KCNU1: variants seen among roughly 807,000 people sequenced by gnomAD.
KCNU1 encodes the protein potassium calcium-activated channel subfamily U member 1, also known as potassium channel subfamily U member 1.
A neutral mutation model predicts 126.8 loss-of-function variants in KCNU1; 93 were observed. That is an observed-to-expected ratio of 0.73 (90% CI 0.62 to 0.87). KCNU1 has a LOEUF of 0.87. Among genes scored for constraint, KCNU1 ranks in the 40% least tolerant of loss-of-function variants. The pLI is 0.00. For synonymous variants in KCNU1, 523 were observed against 494.2 expected (o/e 1.06, Z -0.77); for missense variants, 1,330 against 1,367.1 (o/e 0.97, Z 0.43).
In KCNU1 at chr8:36,909,507, G is replaced by A. The variant is rs764896561; in HGVS notation, c.2303G>A (p.Trp768Ter). 2.2e-5 allele frequency: 35 copies of A among 1,608,138 alleles called. No individual in the cohort carries two copies. The highest frequency in any genetic ancestry group is 8.0e-5 in the African/African-American group (6 of 74,784). ...DYLQREWRFL[W>*]NFPQIYILPG... is the part of the protein sequence containing the mutation. Reference sequence around the variant, plus strand: ...CTACAGAGAGAATGGCGATTTCTCTGGAATTTTCCCCAGATATACATTCTG... The same window carrying A: ...CTACAGAGAGAATGGCGATTTCTCTAGAATTTTCCCCAGATATACATTCTG... The change falls in exon 21 of 27, where the codon TGG becomes TAG. Residue 768 changes from tryptophan (W) to a stop codon, truncating the protein, a stop_gained. Transcript: ENST00000399881. LOFTEE classifies it high-confidence loss of function.
At chr8:36,890,999 A>G (rs1209135232) in intron 19 of KCNU1, among the ~76,000 whole-genome samples, 2 of 151,766 alleles carry the variant, frequency 1.3e-5, no homozygotes, top group Non-Finnish European at 2.9e-5. Flanking sequence ...ATATTATTAC[A>G]ACCTCTGTAT....
intron 14 of KCNU1, among the ~76,000 whole-genome samples, chr8:36,839,565 T>C (rs1420831961): frequency 2.0e-5 from 3 of 152,222 alleles, no homozygotes; most frequent in Admixed American, 2.0e-4. Context: ...AAATAGTCTG[T>C]CCTTTTTCGT....
At chr8:36,857,934 C>T (rs1805589133) in intron 18 of KCNU1, among the ~76,000 whole-genome samples, 1 of 152,218 alleles carries the variant, frequency 6.6e-6, no homozygotes, top group Non-Finnish European at 1.5e-5. Context: ...GCGTGAGCCA[C>T]TGCACCCAGC....
intron 10 of KCNU1, among the ~76,000 whole-genome samples, chr8:36,831,169 T>G (rs1190278436): frequency 6.6e-6 from 1 of 151,948 alleles, no homozygotes; most frequent in African/African-American, 2.4e-5. Flanking sequence ...TGTTGGACAT[T>G]TGGGTTGGTT....
intron 7 of KCNU1, among the ~76,000 whole-genome samples, chr8:36,812,322 G>A (rs1236071514): frequency 6.7e-6 from 1 of 150,340 alleles, no homozygotes; most frequent in Non-Finnish European, 1.5e-5. Flanking sequence ...GGAGGTTGCA[G>A]TGGGCTGAGA....
chr8:36,927,797 C>T (rs1808577664), intron 24 of KCNU1, among the ~76,000 whole-genome samples: 1 of 152,000 alleles, frequency 6.6e-6, no homozygotes, highest in African/African-American at 2.4e-5. Context: ...GTCCAAGTTC[C>T]AGTAAATAAG....
intron 3 of KCNU1, among the ~76,000 whole-genome samples, chr8:36,804,437 A>G (rs1803424854): frequency 6.6e-6 from 1 of 152,028 alleles, no homozygotes; most frequent in African/African-American, 2.4e-5. Context: ...GTTTCCTTAG[A>G]TTTGGAGCAG....
At chr8:36,861,681 A>C (rs993611872) in intron 18 of KCNU1, among the ~76,000 whole-genome samples, 19 of 152,318 alleles carry the variant, frequency 1.2e-4, no homozygotes, top group African/African-American at 4.6e-4. Context: ...CAATTTAGCT[A>C]TTTAGTAAAT....
chr8:36,917,682 T>G (rs1380396592), intron 22 of KCNU1, among the ~76,000 whole-genome samples: 6 of 152,130 alleles, frequency 3.9e-5, no homozygotes, highest in Non-Finnish European at 8.8e-5. Flanking sequence ...TCCTCTTACA[T>G]TTTTAGTTTA....
At chr8:36,930,153 T>C (rs1309920329) in intron 24 of KCNU1, among the ~76,000 whole-genome samples, 2 of 152,098 alleles carry the variant, frequency 1.3e-5, no homozygotes, top group African/African-American at 4.8e-5. Context: ...ATTAAAAATA[T>C]ATATTCAATA....
At chr8:36,820,274 C>T (rs1804074364) in intron 10 of KCNU1, among the ~76,000 whole-genome samples, 1 of 152,078 alleles carries the variant, frequency 6.6e-6, no homozygotes, top group South Asian at 2.1e-4. Context: ...GTTTGTTTTG[C>T]AGAAATAGAT....
In KCNU1 at chr8:36,847,791, A is replaced by G. The variant is rs534579482; in HGVS notation, c.1891+1892A>G. ...CTACAATAAACATGGAAGTGCAGAT[A>G]TCTTTTTGATACACTGATTATTTTT... On this transcript the variant is annotated intron_variant, in intron 18 of 26. Coordinates refer to ENST00000399881, the MANE Select transcript of KCNU1 (RefSeq NM_001031836.3). Among the ~76,000 whole-genome samples the G allele has an allele frequency of 2.0e-4, 30 of 152,346 alleles. No individual in the cohort carries two copies. In the South Asian group the frequency reaches 6.0e-3, roughly 30 times the overall value.
At chr8:36,924,226 T>G (rs186448131) in intron 24 of KCNU1, among the ~76,000 whole-genome samples, 32 of 152,332 alleles carry the variant, frequency 2.1e-4, no homozygotes, top group African/African-American at 7.0e-4. Context: ...CCCGGGATTT[T>G]CAAGGGAAGA....
At position 36,805,234 on chromosome 8, in the gene KCNU1, TC is replaced by T. The variant is rs1236311421; in HGVS notation, c.419del (p.Pro140LeufsTer16). On this transcript the variant is annotated frameshift_variant, in exon 4 of 27. Transcript: ENST00000399881. LOFTEE classifies it high-confidence loss of function. ...SCSSYEDKTIPIDLVFNAFFS... is the reference protein window; with the variant it reads ...SCSSYEDKTIXIDLVFNAFFS... ...GTTCATCATATGAAGACAAAACCAT[TC>T]CTATTGATTTGGTTTTCAATGCTTT... 6.2e-7 allele frequency: 1 copy of T among 1,610,788 alleles called. No homozygotes were observed. The highest frequency in any genetic ancestry group is 1.3e-5 in the African/African-American group (1 of 74,898).
At chr8:36,852,250 T>C (rs1389802497) in intron 18 of KCNU1, among the ~76,000 whole-genome samples, 1 of 152,196 alleles carries the variant, frequency 6.6e-6, no homozygotes, top group Non-Finnish European at 1.5e-5. Flanking sequence ...ATCTTTTTTA[T>C]ACATTGTTGG....
intron 10 of KCNU1, among the ~76,000 whole-genome samples, chr8:36,819,578 C>T (rs549191610): frequency 1.3e-5 from 2 of 152,250 alleles, no homozygotes; most frequent in African/African-American, 4.8e-5. Context: ...CAAAATTTCT[C>T]TCAAGGCCAC....
chr8:36,842,132 C>T (rs1415624856), intron 16 of KCNU1, among the ~76,000 whole-genome samples: 3 of 152,028 alleles, frequency 2.0e-5, no homozygotes, highest in Non-Finnish European at 4.4e-5. Context: ...GCCCTGTGGC[C>T]GTGGATAAGG....
At chr8:36,909,709 T>C (rs1442048226) in intron 21 of KCNU1, among the ~76,000 whole-genome samples, 174 bp downstream of exon 21, 2 of 152,216 alleles carry the variant, frequency 1.3e-5, no homozygotes, top group African/African-American at 4.8e-5. Context: ...GGGGTAGATA[T>C]TAAATTTATT....
chr8:36,832,886 A>G (rs1369171226), intron 10 of KCNU1, among the ~76,000 whole-genome samples: 1 of 152,168 alleles, frequency 6.6e-6, no homozygotes, highest in East Asian at 1.9e-4. Flanking sequence ...AAGAATAATG[A>G]TAAAGAATTG....
Sources: allele counts gnomAD v4.1 joint callset (sites outside exome capture counted in the v4.1 genomes callset), GRCh38; gene constraint gnomAD v4.1.1; transcripts MANE v1.5; gene names NCBI Gene and HGNC (gene_info 2026-07-23, HGNC 2026-07-21).